The following MAT1A variants were observed in gnomAD, a reference collection of about 807,000 sequenced individuals.
The protein encoded by MAT1A is S-adenosylmethionine synthase isoform type-1.
MAT1A carries 19 observed loss-of-function variants against 44.0 expected under a neutral mutation model. The ratio of observed to expected loss-of-function variants is 0.43; its 90% CI spans 0.30 to 0.63. The LOEUF is 0.63. MAT1A is among the 30% of genes least tolerant of loss of function. MAT1A has a pLI of 0.12. For synonymous variants in MAT1A, 205 were observed against 205.6 expected (o/e 1.00, Z 0.03); for missense variants, 397 against 531.0 (o/e 0.75, Z 2.48).
At chr10:80,286,179 C>A (rs1056646935) in intron 1 of MAT1A, among the ~76,000 whole-genome samples, 1 of 152,126 alleles carries the variant, frequency 6.6e-6, no homozygotes, top group Non-Finnish European at 1.5e-5. Context: ...AACAAACACA[C>A]ACGCATTCTT....
chr10:80,274,066 G>A (rs947499412), intron 8 of MAT1A, among the ~76,000 whole-genome samples, 183 bp from the exon 9 acceptor site: 3 of 152,142 alleles, frequency 2.0e-5, no homozygotes, highest in Admixed American at 2.0e-4. Flanking sequence ...TCGTTTTATA[G>A]CCCCACGGAT....
intron 3 of MAT1A, 103 bp from the exon 4 acceptor site, chr10:80,280,895 G>T: frequency 1.2e-6 from 1 of 853,796 alleles, no homozygotes; most frequent in Non-Finnish European, 2.0e-6. Flanking sequence ...TTTGGTGTCA[G>T]CGTGGGGGTT....
intron 5 of MAT1A, among the ~76,000 whole-genome samples, chr10:80,279,302 G>A (rs1841529177): frequency 6.6e-6 from 1 of 152,142 alleles, no homozygotes; most frequent in African/African-American, 2.4e-5. Context: ...GACATGGGTA[G>A]GTGGAGAGAG....
intron 1 of MAT1A, among the ~76,000 whole-genome samples, chr10:80,286,536 C>T (rs1276758472): frequency 6.6e-6 from 1 of 152,166 alleles, no homozygotes; most frequent in Non-Finnish European, 1.5e-5. Context: ...GGCTTGACCT[C>T]TTCAATTACT....
At chr10:80,288,520 C>T (rs1178259058) in intron 1 of MAT1A, among the ~76,000 whole-genome samples, 4 of 152,182 alleles carry the variant, frequency 2.6e-5, no homozygotes, top group African/African-American at 4.8e-5. Context: ...CTCTCACTTC[C>T]GCACATCACA....
rs755691897 is a variant in MAT1A at position 80,273,763 on chromosome 10, G to A, written c.*18C>T. The A allele has an allele frequency of 6.3e-7, 1 of 1,574,962 alleles. No homozygotes were observed. Among genetic ancestry groups the A allele is most frequent in the Non-Finnish European group, 8.7e-7 (1 of 1,145,770 alleles). On this transcript the variant is annotated 3_prime_UTR_variant, in exon 9 of 9. Transcript: ENST00000372213. ...CCAGGTGCCTCCAGGGTGAGACCAG[G>A]CCCAGCTCCCCCTGGCTCTAAAATA... is the stretch of plus-strand genomic sequence containing the variant.
Position 80,283,940 on chromosome 10 carries a change from T to A in MAT1A, c.268A>T (p.Ile90Phe). 1 of 1,614,250 alleles carries A rather than the reference T, an allele frequency of 6.2e-7. No homozygotes were observed. ...QRVVRDTIKH[I>F]GYDDSAKGFD... is the part of the protein sequence containing the mutation. ...CCCTTGGCTGAGTCATCGTAGCCGA[T>A]GTGCTTGATGGTGTCCCTCACCACC... is the stretch of plus-strand genomic sequence containing the variant. Residue 90 changes from isoleucine (I) to phenylalanine (F), a missense_variant, in exon 3 of 9, where the codon ATC (isoleucine) becomes TTC (phenylalanine). Coordinates refer to ENST00000372213, the MANE Select transcript of MAT1A (RefSeq NM_000429.3).
At chr10:80,289,177 T>C (rs1379638939) in intron 1 of MAT1A, among the ~76,000 whole-genome samples, 156 bp downstream of exon 1, 1 of 152,238 alleles carries the variant, frequency 6.6e-6, no homozygotes, top group Non-Finnish European at 1.5e-5. Context: ...TATCCTAATT[T>C]GATCATTAAA....
At chr10:80,288,275 C>G (rs1257543224) in intron 1 of MAT1A, among the ~76,000 whole-genome samples, 2 of 152,230 alleles carry the variant, frequency 1.3e-5, no homozygotes, top group African/African-American at 4.8e-5. Flanking sequence ...TCTCCAAGAG[C>G]AGTGGTTCTC....
intron 2 of MAT1A, 82 bp downstream of exon 2, chr10:80,285,430 G>C: frequency 8.6e-7 from 1 of 1,159,494 alleles, no homozygotes; most frequent in Non-Finnish European, 1.3e-6. Flanking sequence ...GAGGAGTATG[G>C]CTCGTTTGTC....
chr10:80,282,702 T>A (rs1841584759), intron 3 of MAT1A, among the ~76,000 whole-genome samples: 1 of 152,210 alleles, frequency 6.6e-6, no homozygotes, highest in African/African-American at 2.4e-5. Flanking sequence ...ATCACTGTCA[T>A]GCACTCAACC....
Position 80,272,052 on chromosome 10 carries a change from G to A in MAT1A, c.*1729C>T, listed in dbSNP as rs1334495237. Reference sequence around the variant, plus strand: ...TCTGAGGCTTCCTAGGTGACCAGGAGCCGGGCTTCTTTTGTTGCCTTAATT... The same window carrying A: ...TCTGAGGCTTCCTAGGTGACCAGGAACCGGGCTTCTTTTGTTGCCTTAATT... On this transcript the variant is annotated 3_prime_UTR_variant, in exon 9 of 9. Coordinates refer to ENST00000372213, the MANE Select transcript of MAT1A (RefSeq NM_000429.3). 1 of 152,184 alleles carries A rather than the reference G, an allele frequency of 6.6e-6. No individual in the cohort carries two copies. Among genetic ancestry groups the A allele is most frequent in the Non-Finnish European group, 1.5e-5 (1 of 68,036 alleles). 9.4% of individuals were successfully genotyped at this position (152,184 alleles called of 1,614,324 possible).
chr10:80,278,147 G>A (rs920739679), intron 5 of MAT1A, among the ~76,000 whole-genome samples: 3 of 152,220 alleles, frequency 2.0e-5, no homozygotes, highest in African/African-American at 4.8e-5. Flanking sequence ...CCTGAGACTG[G>A]AGCTGGCCCG....
intron 5 of MAT1A, among the ~76,000 whole-genome samples, chr10:80,279,541 G>C (rs1226986902): frequency 6.6e-6 from 1 of 152,044 alleles, no homozygotes; most frequent in African/African-American, 2.4e-5. Flanking sequence ...AAGCAGGGAG[G>C]GGATACAGGG....
At chr10:80,284,595 G>A (rs77160849) in intron 2 of MAT1A, among the ~76,000 whole-genome samples, 4,220 of 152,310 alleles carry the variant, frequency 0.028, 198 homozygotes, top group African/African-American at 0.097. Flanking sequence ...AGGGAAGGAT[G>A]GGTCTGTGCA....
intron 3 of MAT1A, 134 bp from the exon 4 acceptor site, chr10:80,280,926 T>C: frequency 1.4e-6 from 1 of 725,212 alleles, no homozygotes; most frequent in Non-Finnish European, 2.5e-6. Context: ...CCAGGGTCTG[T>C]CTAGGCCCAC....
intron 8 of MAT1A, 136 bp downstream of exon 8, chr10:80,274,384 C>T: frequency 1.6e-6 from 2 of 1,254,854 alleles, no homozygotes; most frequent in Non-Finnish European, 1.2e-6. Flanking sequence ...ATGCACTGTG[C>T]TGTACCAAGA....
intron 3 of MAT1A, among the ~76,000 whole-genome samples, chr10:80,281,124 C>T (rs759987875): frequency 2.6e-5 from 4 of 152,174 alleles, no homozygotes; most frequent in Non-Finnish European, 1.5e-5. Context: ...TGGCTGAGGA[C>T]GGTGGCTGAC....
At chr10:80,276,669 C>T (rs1164864113) in intron 5 of MAT1A, 75 bp from the exon 6 acceptor site, 13 of 1,483,732 alleles carry the variant, frequency 8.8e-6, no homozygotes, top group African/African-American at 1.4e-5. Flanking sequence ...CAGACACAGG[C>T]ACCCAGGAGG....
Sources: allele counts gnomAD v4.1 joint callset (sites outside exome capture counted in the v4.1 genomes callset), GRCh38; gene constraint gnomAD v4.1.1; transcripts MANE v1.5; gene names NCBI Gene and HGNC (gene_info 2026-07-23, HGNC 2026-07-21).